The following NIBAN1 variants were observed in gnomAD, a reference collection of about 807,000 sequenced individuals.
The protein encoded by NIBAN1 is niban apoptosis regulator 1, also known as protein Niban 1.
A neutral mutation model predicts 75.1 loss-of-function variants in NIBAN1; 81 were observed. The observed-to-expected ratio is 1.08, with a 90% CI of 0.90 to 1.30. The LOEUF (loss-of-function observed/expected upper bound fraction) is 1.30. Among genes scored for constraint, NIBAN1 ranks in the 50% most tolerant of loss-of-function variants. The pLI is 0.00. For missense variants in NIBAN1, 1,133 were observed against 1,128.1 expected (o/e 1.00, Z -0.06); for synonymous variants, 436 against 424.8 (o/e 1.03, Z -0.32).
chr1:184,833,796 C>A (rs1655060592), intron 5 of NIBAN1, among the ~76,000 whole-genome samples: 1 of 149,662 alleles, frequency 6.7e-6, no homozygotes, highest in African/African-American at 2.5e-5. Flanking sequence ...TGGTCAAAAT[C>A]TAAATTAAAT....
At chr1:184,863,484 G>T (rs544640738) in intron 5 of NIBAN1, among the ~76,000 whole-genome samples, 2 of 152,276 alleles carry the variant, frequency 1.3e-5, no homozygotes, top group Non-Finnish European at 2.9e-5. Context: ...TTGGTTTACA[G>T]ATTCAATTTC....
At chr1:184,870,002 C>T (rs1656059867) in intron 5 of NIBAN1, among the ~76,000 whole-genome samples, 1 of 152,168 alleles carries the variant, frequency 6.6e-6, no homozygotes, top group South Asian at 2.1e-4. Flanking sequence ...CCCTAGGCAA[C>T]AACGATTCTC....
At position 184,809,281 on chromosome 1, in the gene NIBAN1, C is replaced by T. The variant is rs1323976494; in HGVS notation, c.1174-1046G>A. ...ACTGAAGTGAAGTAAGGATCAAAAG[C>T]ATGCTGTGGAACTTGCAGCTCCTCA... On this transcript the variant is annotated intron_variant, in intron 9 of 13. Transcript: ENST00000367511. 3.3e-5 allele frequency among the ~76,000 whole-genome samples: 5 copies of T among 152,168 alleles called. No homozygotes were observed. In the South Asian group the frequency reaches 1.0e-3, roughly 32 times the overall value.
chr1:184,798,231 G>C, intron 12 of NIBAN1, 41 bp from the exon 13 acceptor site: 10 of 1,266,200 alleles, frequency 7.9e-6, no homozygotes, highest in Non-Finnish European at 1.1e-5. Context: ...GAAAAGGCAT[G>C]AGATGCCTGT....
Position 184,805,996 on chromosome 1 carries a change from C to G in NIBAN1, c.1396G>C (p.Ala466Pro), listed in dbSNP as rs970596769. ...QLLSPHLQGE[A>P]SKTAVAIEKV... ...TCAATGGCAACTGCAGTTTTGGAGG[C>G]CTCTCCTTGGAGATGTGGGGAAAGC... The change falls in exon 11 of 14, where the codon GCC becomes CCC. Residue 466 changes from alanine to proline, a missense_variant. Physicochemically the swap from Ala to Pro is conservative, Grantham distance 27 (BLOSUM62 -1). Transcript: ENST00000367511. 6.2e-7 allele frequency: 1 copy of G among 1,614,202 alleles called. No homozygotes were observed. Among genetic ancestry groups the G allele is most frequent in the Admixed American group, 1.7e-5 (1 of 60,028 alleles).
Position 184,808,378 on chromosome 1 carries a change from C to T in NIBAN1, c.1174-143G>A, listed in dbSNP as rs536148659. ...ACTTGGATCCCTACATCTGTGACACCTTCAACTGTCTTATTTTCCTCCTGC... is the reference window on the plus strand; with the variant it reads ...ACTTGGATCCCTACATCTGTGACACTTTCAACTGTCTTATTTTCCTCCTGC... On this transcript the variant is annotated intron_variant, in intron 9 of 13. Transcript: ENST00000367511. 8.8e-6 allele frequency: 7 copies of T among 799,194 alleles called. No individual in the cohort carries two copies. The African/African-American group carries it at 1.2e-4, about 14-fold the overall frequency. The allele number at this position is 799,194 out of a possible 1,614,324, so 49.5% of individuals were successfully genotyped here. A position where few individuals can be genotyped will look rare whatever the true frequency, so the allele number is the denominator to read the frequency against.
At chr1:184,826,763 C>A (rs1401597111) in intron 6 of NIBAN1, among the ~76,000 whole-genome samples, 2 of 152,036 alleles carry the variant, frequency 1.3e-5, no homozygotes, top group Non-Finnish European at 2.9e-5. Context: ...CTTTCCCACA[C>A]AATGTTCCAA....
At chr1:184,971,632 T>C (rs1658940694) in intron 1 of NIBAN1, among the ~76,000 whole-genome samples, 2 of 152,004 alleles carry the variant, frequency 1.3e-5, no homozygotes, top group Non-Finnish European at 2.9e-5. Context: ...ATCGTGCCAC[T>C]ACACTCCAGC....
chr1:184,834,128 G>A (rs1183811930), intron 5 of NIBAN1, among the ~76,000 whole-genome samples: 2 of 151,416 alleles, frequency 1.3e-5, no homozygotes, highest in Non-Finnish European at 2.9e-5. Context: ...CTGTCCTTGT[G>A]ATAGTTTGCT....
chr1:184,823,537 G>T, intron 7 of NIBAN1, 101 bp downstream of exon 7: 2 of 1,359,382 alleles, frequency 1.5e-6, no homozygotes, highest in East Asian at 2.3e-5. Flanking sequence ...TCTACACCCA[G>T]GGAAGGGAAT....
At chr1:184,867,957 T>A in intron 5 of NIBAN1, 1 of 985,406 alleles carries the variant, frequency 1.0e-6, no homozygotes, top group Non-Finnish European at 1.2e-6. Flanking sequence ...TCTAATAGTT[T>A]CTAGGGAAAG....
rs1222581986 is a variant in NIBAN1, at chr1:184,835,923, G to A, written c.602-3961C>T. ...GAGAGGGCATCCCTGTCTTGTGCCC[G>A]TTTTCAAAGGGAATGCTTCCAGTTT... On this transcript the variant is annotated intron_variant, in intron 5 of 13. Coordinates refer to ENST00000367511, the MANE Select transcript of NIBAN1 (RefSeq NM_052966.4). 9.2e-5 allele frequency among the ~76,000 whole-genome samples: 14 copies of A among 152,260 alleles called. No individual in the cohort carries two copies. The East Asian group carries it at 1.3e-3, about 15-fold the overall frequency.
chr1:184,817,713 A>G (rs908822541), intron 9 of NIBAN1, among the ~76,000 whole-genome samples: 3 of 152,100 alleles, frequency 2.0e-5, no homozygotes, highest in Non-Finnish European at 2.9e-5. Context: ...AAAAGGGGGG[A>G]ATTGTTAATG....
intron 1 of NIBAN1, among the ~76,000 whole-genome samples, chr1:184,942,693 CA>C (rs1235041623): frequency 0.36 from 28,541 of 78,390 alleles, 2,056 homozygotes; most frequent in Middle Eastern, 0.44. Context: ...GACTCCGTCT[CA>C]AAAAAAAAAA....
rs967976329 is a variant in NIBAN1 at position 184,791,101 on chromosome 1, A to G, written c.*3876T>C. ...AAATACATGGTTACAAAGTGTTTTA[A>G]GTTTATTTGCTTTATATAGTGACCG... On this transcript the variant is annotated 3_prime_UTR_variant, in exon 14 of 14. Transcript: ENST00000367511. The G allele has an allele frequency of 1.7e-5, 8 of 467,200 alleles. No homozygotes were observed. Among genetic ancestry groups the G allele is most frequent in the Non-Finnish European group, 3.5e-5 (8 of 226,026 alleles). 28.9% of individuals were successfully genotyped at this position (467,200 alleles called of 1,614,324 possible).
intron 10 of NIBAN1, among the ~76,000 whole-genome samples, chr1:184,807,114 T>C (rs1032985819): frequency 2.6e-5 from 4 of 152,262 alleles, no homozygotes; most frequent in Admixed American, 6.5e-5. Context: ...AGTGAATTTA[T>C]CTAAGAATTT....
chr1:184,795,733 C>A lies in NIBAN1; in HGVS notation c.2031G>T (p.Pro677=), dbSNP rs542770537. The change falls in exon 14 of 14, where the codon CCG becomes CCT. Residue 677 remains proline (P), a synonymous_variant. Coordinates refer to ENST00000367511, the MANE Select transcript of NIBAN1 (RefSeq NM_052966.4). Reference sequence around the variant, plus strand: ...ACTCCAGCTCTGATGAGCATGTGCCCGGGAGTCCTGCTGTGTCCTCTGTTG... The same window carrying A: ...ACTCCAGCTCTGATGAGCATGTGCCAGGGAGTCCTGCTGTGTCCTCTGTTG... ...PVATEDTAGL[P]GTCSSELEFG... 3.1e-6 allele frequency: 5 copies of A among 1,612,606 alleles called. No homozygotes were observed. Among genetic ancestry groups the A allele is most frequent in the Non-Finnish European group, 4.2e-6 (5 of 1,179,200 alleles).
At chr1:184,965,781 C>T (rs1389372406) in intron 1 of NIBAN1, among the ~76,000 whole-genome samples, 3 of 152,078 alleles carry the variant, frequency 2.0e-5, no homozygotes, top group South Asian at 2.1e-4. Flanking sequence ...AACCTGCACG[C>T]GCTGCACATC....
chr1:184,953,159 A>G (rs961909047), intron 1 of NIBAN1, among the ~76,000 whole-genome samples: 4 of 152,216 alleles, frequency 2.6e-5, no homozygotes, highest in African/African-American at 9.6e-5. Flanking sequence ...GATTAGTGCA[A>G]TGAGTCTTTA....
Sources: gnomAD v4.1 joint callset for allele counts (sites outside exome capture counted in the v4.1 genomes callset) on GRCh38, gnomAD v4.1.1 for gene constraint, MANE v1.5 for transcripts, NCBI Gene and HGNC (gene_info 2026-07-23, HGNC 2026-07-21) for gene names.